Variants in RIMS1 observed in about 807,000 individuals in gnomAD.
RIMS1 encodes the protein regulating synaptic membrane exocytosis 1, also known as regulating synaptic membrane exocytosis protein 1.
RIMS1 carries 83 observed loss-of-function variants against 214.1 expected under a neutral mutation model. That is an observed-to-expected ratio of 0.39 (90% CI 0.32 to 0.47). RIMS1 has a LOEUF of 0.47. Among genes scored for constraint, RIMS1 ranks in the 20% least tolerant of loss-of-function variants. The pLI, the probability that RIMS1 is intolerant of heterozygous loss-of-function variation, is 0.99. For missense variants in RIMS1, 2,050 were observed against 2,161.8 expected (o/e 0.95, Z 1.03); for synonymous variants, 793 against 786.8 (o/e 1.01, Z -0.13).
intron 1 of RIMS1, among the ~76,000 whole-genome samples, chr6:71,955,975 G>T (rs1371741566): frequency 1.3e-5 from 2 of 151,984 alleles, no homozygotes; most frequent in African/African-American, 4.8e-5. Flanking sequence ...ACTACTTAAT[G>T]TTATATATAA....
chr6:72,268,491 A>G (rs2081589650), intron 22 of RIMS1, among the ~76,000 whole-genome samples: 1 of 152,188 alleles, frequency 6.6e-6, no homozygotes, highest in Admixed American at 6.6e-5. Flanking sequence ...ATGCCTTTAT[A>G]CCAACTTAAC....
At chr6:72,300,751 G>A (rs1186191722) in intron 26 of RIMS1, among the ~76,000 whole-genome samples, 1 of 151,670 alleles carries the variant, frequency 6.6e-6, no homozygotes, top group Non-Finnish European at 1.5e-5. Flanking sequence ...TTTCTTACTT[G>A]CCAATGACTA....
intron 16 of RIMS1, among the ~76,000 whole-genome samples, chr6:72,253,113 G>A (rs1032778087): frequency 1.3e-5 from 2 of 152,004 alleles, no homozygotes; most frequent in Admixed American, 6.6e-5. Flanking sequence ...GTGAAAATAC[G>A]AATTTTATTT....
At chr6:72,157,767 G>A (rs967937804) in intron 4 of RIMS1, among the ~76,000 whole-genome samples, 2 of 140,206 alleles carry the variant, frequency 1.4e-5, no homozygotes, top group African/African-American at 4.9e-5. Context: ...CTTACATACT[G>A]TAGGTGGCAC....
Position 71,886,882 on chromosome 6 carries a change from G to C in RIMS1, c.-142G>C. On this transcript the variant is annotated 5_prime_UTR_variant, in exon 1 of 34. Coordinates refer to ENST00000521978, the MANE Select transcript of RIMS1 (RefSeq NM_014989.7). Reference sequence around the variant, plus strand: ...TCTCCCCGGCTCTGCTGCTGCTGCTGCTGCCGCCGCCGCCGCTGCTCCTCC... The same window carrying C: ...TCTCCCCGGCTCTGCTGCTGCTGCTCCTGCCGCCGCCGCCGCTGCTCCTCC... 1 of 864,388 alleles carries C rather than the reference G, an allele frequency of 1.2e-6. No homozygotes were observed. Among genetic ancestry groups the C allele is most frequent in the Non-Finnish European group, 1.8e-6 (1 of 555,110 alleles). 53.5% of individuals were successfully genotyped at this position (864,388 alleles called of 1,614,324 possible).
intron 2 of RIMS1, among the ~76,000 whole-genome samples, chr6:72,093,208 G>A (rs1010506088): frequency 6.1e-5 from 5 of 82,204 alleles, no homozygotes; most frequent in African/African-American, 1.7e-4. Context: ...ATATGTATGT[G>A]AGTATATATA....
intron 2 of RIMS1, among the ~76,000 whole-genome samples, chr6:72,012,800 T>G (rs1004085178): frequency 6.6e-6 from 1 of 152,228 alleles, no homozygotes; most frequent in Non-Finnish European, 1.5e-5. Flanking sequence ...ATGACTTAAA[T>G]TATGTCTTAG....
Position 71,932,458 on chromosome 6 carries a change from AC to A in RIMS1, c.165-36524del, listed in dbSNP as rs1374185164. Among the ~76,000 whole-genome samples, 3 of 152,232 alleles carry A rather than the reference AC, an allele frequency of 2.0e-5. No homozygotes were observed. In the East Asian group the frequency reaches 5.8e-4, roughly 29 times the overall value. On this transcript the variant is annotated intron_variant, in intron 1 of 33. Coordinates refer to ENST00000521978, the MANE Select transcript of RIMS1 (RefSeq NM_014989.7). ...ATGAACACATAGAGGGGAACAACACACAATGGGGCTTTTCAGAGGGTTGAGG... is the reference window on the plus strand; with the variant it reads ...ATGAACACATAGAGGGGAACAACACAAATGGGGCTTTTCAGAGGGTTGAGG...
intron 1 of RIMS1, among the ~76,000 whole-genome samples, chr6:71,916,157 A>T (rs1486046572): frequency 6.6e-6 from 1 of 152,134 alleles, no homozygotes; most frequent in African/African-American, 2.4e-5. Context: ...TGGTGAGAAA[A>T]ATGGCAATAT....
intron 1 of RIMS1, among the ~76,000 whole-genome samples, chr6:71,942,102 A>T (rs1327953751): frequency 6.6e-6 from 1 of 152,178 alleles, no homozygotes; most frequent in Non-Finnish European, 1.5e-5. Context: ...ATGGTGCCAG[A>T]GTGGAGACTG....
chr6:72,056,910 T>C (rs533695046), intron 2 of RIMS1, among the ~76,000 whole-genome samples: 1 of 152,184 alleles, frequency 6.6e-6, no homozygotes, highest in Non-Finnish European at 1.5e-5. Context: ...TAATTCTGTT[T>C]CATGACAGCT....
chr6:72,262,994 A>T, intron 19 of RIMS1: 4 of 634,924 alleles, frequency 6.3e-6, no homozygotes, highest in Non-Finnish European at 7.8e-6. Context: ...AGATGAGGAA[A>T]AAAGCTACGA....
intron 2 of RIMS1, among the ~76,000 whole-genome samples, chr6:72,015,566 A>AT (rs924424091): frequency 1.2e-4 from 19 of 152,038 alleles, no homozygotes; most frequent in African/African-American, 3.9e-4. Context: ...CTTTAGTACA[A>AT]TTTTTTAACA....
chr6:72,106,914 C>T (rs2153815303), intron 4 of RIMS1, among the ~76,000 whole-genome samples: 1 of 152,312 alleles, frequency 6.6e-6, no homozygotes, highest in East Asian at 1.9e-4. Flanking sequence ...CACTTACCAG[C>T]TATCAATAAC....
At chr6:72,356,618 G>A (rs895605753) in intron 29 of RIMS1, among the ~76,000 whole-genome samples, 2 of 150,730 alleles carry the variant, frequency 1.3e-5, no homozygotes, top group African/African-American at 2.4e-5. Flanking sequence ...AAATTAGCTG[G>A]GTGTGGTGGC....
At chr6:72,373,123 G>T (rs1278474169) in intron 29 of RIMS1, among the ~76,000 whole-genome samples, 1 of 152,172 alleles carries the variant, frequency 6.6e-6, no homozygotes, top group Non-Finnish European at 1.5e-5. Context: ...TCTTTGATCA[G>T]ACTTTGGATT....
intron 28 of RIMS1, among the ~76,000 whole-genome samples, chr6:72,325,085 G>A (rs1032270321): frequency 2.6e-5 from 4 of 151,728 alleles, no homozygotes; most frequent in Non-Finnish European, 5.9e-5. Context: ...GGTAGATCCT[G>A]ATAATTACAA....
intron 1 of RIMS1, among the ~76,000 whole-genome samples, chr6:71,929,093 C>A (rs748612204): frequency 6.6e-6 from 1 of 152,078 alleles, no homozygotes; most frequent in Non-Finnish European, 1.5e-5. Flanking sequence ...TGCACCTCTC[C>A]TTAGCACTTG....
At chr6:72,362,128 G>C (rs1397593398) in intron 29 of RIMS1, among the ~76,000 whole-genome samples, 1 of 151,968 alleles carries the variant, frequency 6.6e-6, no homozygotes, top group Non-Finnish European at 1.5e-5. Context: ...ACAAAGAGTT[G>C]TACTATATAC....
Sources: gnomAD v4.1 joint callset for allele counts (sites outside exome capture counted in the v4.1 genomes callset) on GRCh38, gnomAD v4.1.1 for gene constraint, MANE v1.5 for transcripts, NCBI Gene and HGNC (gene_info 2026-07-23, HGNC 2026-07-21) for gene names.